The following CSGALNACT1 variants were observed in gnomAD, a reference collection of about 807,000 sequenced individuals.
The protein encoded by CSGALNACT1 is beta4GalNAcT-1.
A neutral mutation model predicts 51.0 loss-of-function variants in CSGALNACT1; 52 were observed. The ratio of observed to expected loss-of-function variants is 1.02; its 90% CI spans 0.82 to 1.29. The LOEUF (loss-of-function observed/expected upper bound fraction) is 1.29, where lower values mean the gene tolerates loss of function less well. Among genes scored for constraint, CSGALNACT1 ranks in the 50% most tolerant of loss-of-function variants. The pLI is 0.00. For missense variants in CSGALNACT1, 935 were observed against 679.2 expected, an observed-to-expected ratio of 1.38 and a Z score of -4.19; for synonymous variants, 341 against 254.4, an observed-to-expected ratio of 1.34 and a Z score of -3.24.
intron 3 of CSGALNACT1, among the ~76,000 whole-genome samples, chr8:19,527,855 A>G (rs1248229071): frequency 6.6e-6 from 1 of 152,172 alleles, no homozygotes; most frequent in Non-Finnish European, 1.5e-5. Context: ...GATGGTGACT[A>G]AGCAAGTCAG....
intron 3 of CSGALNACT1, among the ~76,000 whole-genome samples, chr8:19,555,058 G>A (rs1020331990): frequency 6.6e-6 from 1 of 151,528 alleles, no homozygotes; most frequent in Non-Finnish European, 1.5e-5. Context: ...AGCCAACATG[G>A]TGAAACCTTG....
chr8:19,418,723 A>T (rs1186190166), exon 8 of CSGALNACT1: 1 of 1,613,032 alleles, frequency 6.2e-7, no homozygotes, highest in African/African-American at 1.3e-5. Flanking sequence ...GTACTGACTG[A>T]AAAGAACTGG....
intron 4 of CSGALNACT1, among the ~76,000 whole-genome samples, chr8:19,463,025 C>A (rs1340871283): frequency 6.6e-6 from 1 of 152,156 alleles, no homozygotes; most frequent in Non-Finnish European, 1.5e-5. Context: ...CTTCATTGTG[C>A]CCATGTGTAC....
chr8:19,465,941 G>C (rs750275751), intron 4 of CSGALNACT1, among the ~76,000 whole-genome samples: 2 of 152,178 alleles, frequency 1.3e-5, no homozygotes, highest in African/African-American at 4.8e-5. Context: ...ATCATGAAAA[G>C]AGCATCCAAG....
chr8:19,445,170 T>C (rs1043756740), intron 5 of CSGALNACT1, among the ~76,000 whole-genome samples: 6 of 152,122 alleles, frequency 3.9e-5, no homozygotes, highest in African/African-American at 4.8e-5. Context: ...TCATCACCAA[T>C]CAACAATGAA....
At chr8:19,449,691 A>G (rs1352534681) in intron 5 of CSGALNACT1, among the ~76,000 whole-genome samples, 1 of 152,228 alleles carries the variant, frequency 6.6e-6, no homozygotes, top group East Asian at 1.9e-4. Context: ...TTAGAAAGAG[A>G]ACATTAAGAC....
intron 8 of CSGALNACT1, among the ~76,000 whole-genome samples, chr8:19,417,663 G>C (rs2057150826): frequency 1.3e-5 from 2 of 152,180 alleles, no homozygotes; most frequent in East Asian, 1.9e-4. Flanking sequence ...ATTTTCTTTA[G>C]CAAGAGGCAG....
chr8:19,728,702 G>A (rs55655934), intron 1 of CSGALNACT1, among the ~76,000 whole-genome samples: 7,955 of 152,146 alleles, frequency 0.052, 322 homozygotes, highest in Non-Finnish European at 0.074. Context: ...CGCTGCCTCT[G>A]CATAAAAAGG....
At chr8:19,725,174 A>G (rs2063331402) in intron 1 of CSGALNACT1, among the ~76,000 whole-genome samples, 1 of 152,194 alleles carries the variant, frequency 6.6e-6, no homozygotes, top group Admixed American at 6.5e-5. Flanking sequence ...ATAACTGTCC[A>G]TTTTCAGGCA....
intron 2 of CSGALNACT1, among the ~76,000 whole-genome samples, chr8:19,599,887 C>A (rs1238727308): frequency 6.6e-6 from 1 of 152,200 alleles, no homozygotes; most frequent in African/African-American, 2.4e-5. Context: ...TTTGGGCAGA[C>A]AAACCTACCC....
At chr8:19,552,628 A>C (rs765536534) in intron 3 of CSGALNACT1, among the ~76,000 whole-genome samples, 1 of 152,216 alleles carries the variant, frequency 6.6e-6, no homozygotes, top group Non-Finnish European at 1.5e-5. Flanking sequence ...CTTTTTATAC[A>C]TTAAAAACAT....
intron 1 of CSGALNACT1, among the ~76,000 whole-genome samples, chr8:19,724,913 G>C (rs983361146): frequency 2.0e-5 from 3 of 152,164 alleles, no homozygotes; most frequent in African/African-American, 7.2e-5. Context: ...GGCTGGTGAT[G>C]GATGACTATC....
intron 1 of CSGALNACT1, among the ~76,000 whole-genome samples, chr8:19,609,352 A>C (rs2051857350): frequency 6.7e-6 from 1 of 148,366 alleles, no homozygotes; most frequent in South Asian, 2.2e-4. Context: ...TTTGCTATGC[A>C]TACTAGATAA....
chr8:19,435,491 CA>C (rs35102795), intron 6 of CSGALNACT1, among the ~76,000 whole-genome samples: 1,422 of 138,208 alleles, frequency 0.01, 10 homozygotes, highest in African/African-American at 0.024. Flanking sequence ...GACTCTGAAT[CA>C]AAAAAAAAAA....
At chr8:19,505,936 G>T in exon 4 of CSGALNACT1, 1 of 1,385,458 alleles carries the variant, frequency 7.2e-7, no homozygotes, top group Non-Finnish European at 1.0e-6. Flanking sequence ...TGCGTTTGGG[G>T]CCCCCGGAGC....
intron 4 of CSGALNACT1, among the ~76,000 whole-genome samples, chr8:19,473,539 G>A (rs1017194043): frequency 6.6e-6 from 1 of 152,128 alleles, no homozygotes; most frequent in Non-Finnish European, 1.5e-5. Flanking sequence ...CCTAACCCTG[G>A]CTTCACCACT....
intron 1 of CSGALNACT1, among the ~76,000 whole-genome samples, chr8:19,644,703 C>G (rs187853760): frequency 7.6e-6 from 1 of 131,888 alleles, no homozygotes; most frequent in East Asian, 2.1e-4. Context: ...GAGCGAGACT[C>G]CGTCTCAAAA....
intron 1 of CSGALNACT1, among the ~76,000 whole-genome samples, chr8:19,738,381 G>A (rs140040757): frequency 1.3e-5 from 2 of 152,254 alleles, no homozygotes; most frequent in African/African-American, 4.8e-5. Flanking sequence ...TTCACAAAAG[G>A]ACAAATCACT....
chr8:19,497,784 A>C (rs1418386625), intron 4 of CSGALNACT1, among the ~76,000 whole-genome samples: 2 of 152,138 alleles, frequency 1.3e-5, no homozygotes, highest in African/African-American at 4.8e-5. Context: ...CTGCCTCCCT[A>C]ATGTATTCAA....
Sources: allele counts gnomAD v4.1 joint callset (sites outside exome capture counted in the v4.1 genomes callset), GRCh38; gene constraint gnomAD v4.1.1; transcripts MANE v1.5; gene names NCBI Gene and HGNC (gene_info 2026-07-23, HGNC 2026-07-21).